ADAMTSL1: variants seen among roughly 807,000 people sequenced by gnomAD.
The protein encoded by ADAMTSL1 is ADAMTS like 1, also known as ADAMTS-like protein 1.
A neutral mutation model predicts 201.8 loss-of-function variants in ADAMTSL1; 126 were observed. The ratio of observed to expected loss-of-function variants is 0.62; its 90% CI spans 0.54 to 0.72. ADAMTSL1 has a LOEUF of 0.72. Ranked by LOEUF, ADAMTSL1 falls within the 30% of genes least tolerant of loss-of-function variation. ADAMTSL1 has a pLI of 0.00. For synonymous variants in ADAMTSL1, 1,121 were observed against 903.4 expected (o/e 1.24, Z -4.32); for missense variants, 2,679 against 2,277.8 (o/e 1.18, Z -3.59).
chr9:18,579,240 C>T (rs1029525323), intron 4 of ADAMTSL1, among the ~76,000 whole-genome samples: 1 of 148,442 alleles, frequency 6.7e-6, no homozygotes, highest in East Asian at 2.0e-4. Context: ...TAAACTATCG[C>T]AAGAACAAAA....
intron 1 of ADAMTSL1, among the ~76,000 whole-genome samples, chr9:18,155,053 C>G (rs550733708): frequency 9.8e-4 from 149 of 152,100 alleles, no homozygotes; most frequent in Admixed American, 1.8e-3. Context: ...AATGCCAAAG[C>G]ACTATCTGTA....
chr9:18,555,087 G>GT (rs2132244805), intron 3 of ADAMTSL1, among the ~76,000 whole-genome samples: 1 of 151,960 alleles, frequency 6.6e-6, no homozygotes, highest in East Asian at 1.9e-4. Context: ...TTAGTTTGGT[G>GT]TTTTTTAGGA....
intron 3 of ADAMTSL1, among the ~76,000 whole-genome samples, chr9:18,542,965 G>A (rs927294758): frequency 6.6e-6 from 1 of 152,164 alleles, no homozygotes; most frequent in African/African-American, 2.4e-5. Flanking sequence ...ATTTCCGGCA[G>A]AACTGCAGGC....
intron 20 of ADAMTSL1, among the ~76,000 whole-genome samples, chr9:18,808,558 C>G (rs1240909502): frequency 6.6e-6 from 1 of 152,150 alleles, no homozygotes; most frequent in African/African-American, 2.4e-5. Context: ...TAGCTATACA[C>G]TTGCAGCTAT....
At chr9:18,640,134 A>G (rs374078466) in intron 7 of ADAMTSL1, among the ~76,000 whole-genome samples, 16 of 152,280 alleles carry the variant, frequency 1.1e-4, no homozygotes, top group Admixed American at 9.2e-4. Flanking sequence ...TGATGACCCC[A>G]TGGCAGCTGG....
At chr9:18,063,876 C>G (rs1350465249) in intron 1 of ADAMTSL1, among the ~76,000 whole-genome samples, 1 of 152,134 alleles carries the variant, frequency 6.6e-6, no homozygotes, top group African/African-American at 2.4e-5. Flanking sequence ...ACGTTTGGCT[C>G]TGCACCTCCT....
chr9:18,606,585 A>G (rs1052503765), intron 4 of ADAMTSL1, among the ~76,000 whole-genome samples: 1 of 152,150 alleles, frequency 6.6e-6, no homozygotes, highest in Non-Finnish European at 1.5e-5. Context: ...AATAGGAATG[A>G]CATTTTTTAA....
chr9:18,190,858 T>C lies in ADAMTSL1; in HGVS notation c.207+26877T>C, dbSNP rs75541164. Among the ~76,000 whole-genome samples the C allele has an allele frequency of 1.2e-3, 176 of 152,254 alleles. 3 individuals are homozygous for C. In the East Asian group the frequency reaches 0.034, roughly 29 times the overall value. ...CCAGTTCTGACCACCCACCAATAAG[T>C]GGCGCTATGTCTTTGCCATTCCAGA... On this transcript the variant is annotated intron_variant, in intron 2 of 29. Coordinates refer to the ADAMTSL1 transcript ENST00000680146.
chr9:18,737,343 A>AAAAAAAAT (rs1818573999), intron 15 of ADAMTSL1, among the ~76,000 whole-genome samples: 1 of 149,162 alleles, frequency 6.7e-6, no homozygotes, highest in African/African-American at 2.5e-5. Flanking sequence ...AAAAAAAAAA[A>AAAAAAAAT]GTGAAGTACA....
At chr9:18,258,536 A>C (rs763639055) in intron 2 of ADAMTSL1, among the ~76,000 whole-genome samples, 42 of 152,092 alleles carry the variant, frequency 2.8e-4, no homozygotes, top group Non-Finnish European at 5.1e-4. Context: ...GCCTCTTGCC[A>C]TTCTGTTCCA....
chr9:18,586,355 T>A (rs113330389), intron 4 of ADAMTSL1, among the ~76,000 whole-genome samples: 1,679 of 152,068 alleles, frequency 0.011, 14 homozygotes, highest in Non-Finnish European at 0.019. Flanking sequence ...ACAAAAAGAA[T>A]AAAATATCTA....
At chr9:18,352,088 A>G (rs977310095) in intron 2 of ADAMTSL1, among the ~76,000 whole-genome samples, 4 of 152,134 alleles carry the variant, frequency 2.6e-5, no homozygotes, top group Non-Finnish European at 4.4e-5. Flanking sequence ...TCTTAAGTTC[A>G]AAATATATAA....
intron 3 of ADAMTSL1, among the ~76,000 whole-genome samples, chr9:18,553,700 A>G (rs1820933474): frequency 6.6e-6 from 1 of 151,794 alleles, no homozygotes; most frequent in Non-Finnish European, 1.5e-5. Context: ...AGTGAACTTA[A>G]CTCTACGTTG....
At chr9:18,474,016 A>G (rs1821324956), upstream of ADAMTSL1, 2 of 512,352 alleles carry the variant, frequency 3.9e-6, no homozygotes, top group African/African-American at 3.9e-5. Context: ...GATTAGCAGG[A>G]GCCTGATTGG....
intron 23 of ADAMTSL1, among the ~76,000 whole-genome samples, chr9:18,841,562 A>T (rs1455014147): frequency 2.0e-5 from 3 of 152,218 alleles, no homozygotes; most frequent in Non-Finnish European, 4.4e-5. Flanking sequence ...AAAATGAGTT[A>T]GGGAGGATTT....
At chr9:18,134,743 A>T (rs1255337657) in intron 1 of ADAMTSL1, among the ~76,000 whole-genome samples, 1 of 152,220 alleles carries the variant, frequency 6.6e-6, no homozygotes, top group Non-Finnish European at 1.5e-5. Flanking sequence ...TCACTGGAGA[A>T]GTGAAACCCA....
At chr9:18,296,948 C>G (rs1032672698) in intron 2 of ADAMTSL1, among the ~76,000 whole-genome samples, 1 of 152,154 alleles carries the variant, frequency 6.6e-6, no homozygotes, top group African/African-American at 2.4e-5. Flanking sequence ...AAGTTGAGTA[C>G]TTTTTAAAAG....
At chr9:18,237,856 A>C (rs2132435659) in intron 2 of ADAMTSL1, among the ~76,000 whole-genome samples, 1 of 152,360 alleles carries the variant, frequency 6.6e-6, no homozygotes, top group South Asian at 2.1e-4. Context: ...TTAAGACAAA[A>C]CAAAATTAAA....
intron 3 of ADAMTSL1, among the ~76,000 whole-genome samples, chr9:18,545,078 T>A (rs1401526889): frequency 1.5e-4 from 23 of 152,124 alleles, no homozygotes; most frequent in Admixed American, 1.5e-3. Context: ...ATTACATACC[T>A]CAGAGAGAAC....
Sources: allele counts gnomAD v4.1 joint callset (sites outside exome capture counted in the v4.1 genomes callset), GRCh38; gene constraint gnomAD v4.1.1; transcripts MANE v1.5; gene names NCBI Gene and HGNC (gene_info 2026-07-23, HGNC 2026-07-21).